IPO8: variants seen among roughly 807,000 people sequenced by gnomAD.
The protein encoded by IPO8 is importin 8, also known as importin-8.
Under a neutral mutation model 141.2 loss-of-function variants are expected in IPO8, and 65 were observed. The observed-to-expected ratio is 0.46, with a 90% CI of 0.38 to 0.57. The LOEUF (loss-of-function observed/expected upper bound fraction) is 0.57. Ranked by LOEUF, IPO8 falls within the 20% of genes least tolerant of loss-of-function variation. The pLI, the probability that IPO8 is intolerant of heterozygous loss-of-function variation, is 0.00. For synonymous variants in IPO8, 411 were observed against 420.3 expected (o/e 0.98, Z 0.27); for missense variants, 980 against 1,246.8 (o/e 0.79, Z 3.22).
At chr12:30,650,073 TAA>T (rs891800417) in intron 19 of IPO8, among the ~76,000 whole-genome samples, 17 of 151,886 alleles carry the variant, frequency 1.1e-4, no homozygotes, top group South Asian at 6.2e-4. Context: ...GCTTTTTATA[TAA>T]GTTATTTTTA....
chr12:30,635,077 A>G (rs192323662), intron 22 of IPO8, among the ~76,000 whole-genome samples: 1 of 152,288 alleles, frequency 6.6e-6, no homozygotes, highest in East Asian at 1.9e-4. Context: ...AAAGACACAT[A>G]CTGCCTGTTC....
In IPO8 at chr12:30,661,375, AACTTTGAAGTCTGC is replaced by A. The variant is rs2052885310; in HGVS notation, c.1756-123_1756-110del. ...ACACATCTGAAGTCTGCATTGCTCAAACTTTGAAGTCTGCACTTTGCTGACTGAATCATCTCTCT... is the reference window on the plus strand; with the variant it reads ...ACACATCTGAAGTCTGCATTGCTCAAACTTTGCTGACTGAATCATCTCTCT... On this transcript the variant is annotated intron_variant, in intron 15 of 24. Transcript: ENST00000256079. The A allele has an allele frequency of 8.4e-6, 8 of 958,022 alleles. No individual in the cohort carries two copies. The East Asian group carries it at 2.4e-4, about 28-fold the overall frequency. 59.3% of individuals were successfully genotyped at this position (958,022 alleles called of 1,614,324 possible). A position where few individuals can be genotyped will look rare whatever the true frequency, so the allele number is the denominator to read the frequency against.
rs2052418627 is a variant in IPO8 at position 30,630,695 on chromosome 12, A to T, written c.*165T>A. 3.4e-6 allele frequency: 2 copies of T among 580,520 alleles called. No individual in the cohort carries two copies. The highest frequency in any genetic ancestry group is 3.2e-5 in the Admixed American group (1 of 31,194). 36.0% of individuals were successfully genotyped at this position (580,520 alleles called of 1,614,324 possible). A position where few individuals can be genotyped will look rare whatever the true frequency, so the allele number is the denominator to read the frequency against. On this transcript the variant is annotated 3_prime_UTR_variant, in exon 25 of 25. Coordinates refer to ENST00000256079, the MANE Select transcript of IPO8 (RefSeq NM_006390.4). ...TAAAATATATATTTCAGGGTGACAA[A>T]GGTCAAAGGGGAAAGAGTAGATAAA...
Position 30,674,671 on chromosome 12 carries a change from C to A in IPO8, c.812G>T (p.Arg271Leu). ...AACAGATAATTACCGTTCAAAGAGC[C>A]GAGCTACAATATGCAGTGCCCACTT... Reference protein sequence around the residue: ...CKKWALHIVARLFERYGSPGN... With the variant: ...CKKWALHIVALLFERYGSPGN... Residue 271 changes from arginine (R) to leucine (L), a missense_variant, in exon 7 of 25, where the codon CGG becomes CTG. Arg to Leu is a moderately radical substitution (Grantham distance 102). Around this residue, in one of 3 missense-constraint regions of IPO8, gnomAD observed 924 missense variants for 1,153.9 expected, o/e 0.80. Coordinates refer to ENST00000256079, the MANE Select transcript of IPO8 (RefSeq NM_006390.4). 1 of 1,608,976 alleles carries A rather than the reference C, an allele frequency of 6.2e-7. No homozygotes were observed. The highest frequency in any genetic ancestry group is 8.5e-7 in the Non-Finnish European group (1 of 1,175,602).
intron 7 of IPO8, 65 bp downstream of exon 7, chr12:30,674,594 A>T: frequency 8.3e-7 from 1 of 1,198,284 alleles, no homozygotes; most frequent in Non-Finnish European, 1.2e-6. Context: ...CTCTAAAGAC[A>T]GATAATCATA....
chr12:30,684,578 C>A lies in IPO8; in HGVS notation c.167-121G>T. On this transcript the variant is annotated intron_variant, in intron 2 of 24. Transcript: ENST00000256079. ...ACATGAAACCCAGCAAAAATGGATA[C>A]TCTTACAGGTATAAACAGCCAAATC... is the stretch of plus-strand genomic sequence containing the variant. The A allele has an allele frequency of 4.5e-6, 4 of 883,812 alleles. No homozygotes were observed. The East Asian group carries it at 1.0e-4, about 22-fold the overall frequency. 54.7% of individuals were successfully genotyped at this position (883,812 alleles called of 1,614,324 possible).
rs1417730858 is a variant in IPO8, at chr12:30,674,703, C to T, written c.780G>A (p.Lys260=). Reference sequence around the variant, plus strand: ...CAATATGCAGTGCCCACTTCTTACACTTCCACCATACCAGTTCTGGTCTAT... The same window carrying T: ...CAATATGCAGTGCCCACTTCTTACATTTCCACCATACCAGTTCTGGTCTAT... ...EDDRPELVWW[K]CKKWALHIVA... is the part of the protein sequence containing the mutation. Residue 260 remains lysine, a synonymous_variant, in exon 7 of 25, where the codon AAG becomes AAA. Coordinates refer to ENST00000256079, the MANE Select transcript of IPO8 (RefSeq NM_006390.4). 3.7e-6 allele frequency: 6 copies of T among 1,613,868 alleles called. No homozygotes were observed. The East Asian group carries it at 1.1e-4, about 30-fold the overall frequency.
intron 3 of IPO8, among the ~76,000 whole-genome samples, chr12:30,684,031 A>G (rs1453317619): frequency 6.6e-6 from 1 of 152,236 alleles, no homozygotes; most frequent in Non-Finnish European, 1.5e-5. Flanking sequence ...CAAGACTTAC[A>G]CAATTGTTTT....
intron 2 of IPO8, among the ~76,000 whole-genome samples, chr12:30,684,802 T>C (rs944096364): frequency 1.3e-5 from 2 of 152,222 alleles, no homozygotes; most frequent in Non-Finnish European, 2.9e-5. Flanking sequence ...AGTTCTACTT[T>C]CCTTCATGAA....
intron 3 of IPO8, among the ~76,000 whole-genome samples, chr12:30,682,052 T>A (rs962830110): frequency 6.6e-6 from 1 of 152,106 alleles, no homozygotes; most frequent in Admixed American, 6.6e-5. Context: ...AACTATCTTA[T>A]CCTAAATACA....
rs960897743 is a variant in IPO8 at position 30,695,189 on chromosome 12, A to G, written c.84+375T>C. 3.8e-5 allele frequency: 15 copies of G among 391,114 alleles called. No individual in the cohort carries two copies. The highest frequency in any genetic ancestry group is 2.7e-4 in the African/African-American group (13 of 48,168). The allele number at this position is 391,114 out of a possible 1,614,324, so 24.2% of individuals were successfully genotyped here. A position where few individuals can be genotyped will look rare whatever the true frequency, so the allele number is the denominator to read the frequency against. On this transcript the variant is annotated intron_variant, in intron 1 of 24. Transcript: ENST00000256079. This position sits in a 1 kb window ranked among gnomAD's most constrained non-coding sequence, Gnocchi z 4.2. Reference sequence around the variant, plus strand: ...TGGAAAAAAGCTGAACTCAGATTTGAACTGTAAGTAAAATTCCCACCTGCT... The same window carrying G: ...TGGAAAAAAGCTGAACTCAGATTTGGACTGTAAGTAAAATTCCCACCTGCT...
At chr12:30,672,825 CT>C (rs1281724875) in intron 8 of IPO8, among the ~76,000 whole-genome samples, 2 of 152,122 alleles carry the variant, frequency 1.3e-5, no homozygotes, top group Non-Finnish European at 2.9e-5. Flanking sequence ...TACAACTTTC[CT>C]GAACTGTTGC....
rs181996618 is a variant in IPO8 at position 30,694,912 on chromosome 12, G to A, written c.84+652C>T. On this transcript the variant is annotated intron_variant, in intron 1 of 24. Coordinates refer to ENST00000256079, the MANE Select transcript of IPO8 (RefSeq NM_006390.4). ...TCAAGGCTAATTAGGAAGAACAGGA[G>A]ACGGAGAAAAGAAAGAAGTCTTACA... The A allele has an allele frequency of 1.7e-3, 756 of 449,086 alleles. 10 individuals are homozygous for A. Among genetic ancestry groups the A allele is most frequent in the South Asian group, 0.01 (649 of 63,584 alleles). 27.8% of individuals were successfully genotyped at this position (449,086 alleles called of 1,614,324 possible).
chr12:30,695,821 T>G lies in IPO8; in HGVS notation c.-174A>C. Reference sequence around the variant, plus strand: ...TGCGCCACTCTGACTCCGCGCCCCCTGTCCTCCCTTTTTCCCCCCCACAAC... The same window carrying G: ...TGCGCCACTCTGACTCCGCGCCCCCGGTCCTCCCTTTTTCCCCCCCACAAC... On this transcript the variant is annotated 5_prime_UTR_variant, in exon 1 of 25. Coordinates refer to ENST00000256079, the MANE Select transcript of IPO8 (RefSeq NM_006390.4). The surrounding 1 kb of genome is among the most constrained non-coding windows in gnomAD (Gnocchi z 4.2). The G allele has an allele frequency of 2.1e-6, 1 of 482,612 alleles. No individual in the cohort carries two copies. The highest frequency in any genetic ancestry group is 3.5e-6 in the Non-Finnish European group (1 of 282,504). The allele number at this position is 482,612 out of a possible 1,614,324, so 29.9% of individuals were successfully genotyped here. A position where few individuals can be genotyped will look rare whatever the true frequency, so the allele number is the denominator to read the frequency against.
intron 20 of IPO8, among the ~76,000 whole-genome samples, chr12:30,648,263 A>G (rs576386277): frequency 6.6e-6 from 1 of 152,350 alleles, no homozygotes; most frequent in South Asian, 2.1e-4. Context: ...AAGTACCAAT[A>G]CACACTACCA....
At chr12:30,640,035 G>A (rs1591822791) in intron 20 of IPO8, among the ~76,000 whole-genome samples, 2 of 152,274 alleles carry the variant, frequency 1.3e-5, no homozygotes, top group South Asian at 2.1e-4. Context: ...TAATCCCTAT[G>A]TGGACACAGC....
At chr12:30,692,166 TA>T (rs1035054808) in intron 1 of IPO8, among the ~76,000 whole-genome samples, 2 of 152,204 alleles carry the variant, frequency 1.3e-5, no homozygotes, top group Non-Finnish European at 2.9e-5. Context: ...ATTCTAATCA[TA>T]AAAAAACTGA....
rs768671648 is a variant in IPO8, at chr12:30,670,953, GAC to G, written c.1044+7_1044+8del. On this transcript the variant is annotated splice_region_variant and intron_variant, in intron 9 of 24. Transcript: ENST00000256079. ...GAATAATTTTGGAGAGCTGCTCTCT[GAC>G]ACTAACCTGTATGTGTGGCTTCATC... 1 of 1,606,238 alleles carries G rather than the reference GAC, an allele frequency of 6.2e-7. No individual in the cohort carries two copies. The highest frequency in any genetic ancestry group is 1.3e-5 in the African/African-American group (1 of 74,652).
rs780660939 is a variant in IPO8 at position 30,669,234 on chromosome 12, C to T, written c.1093G>A (p.Asp365Asn). 4.4e-6 allele frequency: 7 copies of T among 1,595,038 alleles called. No individual in the cohort carries two copies. Among genetic ancestry groups the T allele is most frequent in the Non-Finnish European group, 6.0e-6 (7 of 1,172,750 alleles). ...IFSVMCYKDE[D>N]EELWQEDPYE... The stretch of plus-strand genomic sequence containing the variant: ...GGATCTTCTTGCCACAGCTCTTCAT[C>T]CTCATCTTTATAACACATCACAGAA... The change falls in exon 10 of 25, where the codon GAT becomes AAT. Residue 365 changes from aspartate (D) to asparagine (N), a missense_variant. This residue lies in a region of IPO8 where 924 missense variants were observed against 1,153.9 expected (regional missense o/e 0.80). Transcript: ENST00000256079.
Sources: gnomAD v4.1 joint callset for allele counts (sites outside exome capture counted in the v4.1 genomes callset) on GRCh38, gnomAD v4.1.1 for gene constraint, gnomAD v4.1.1 regional missense constraint, Gnocchi (gnomAD v3.1) non-coding constraint, MANE v1.5 for transcripts, NCBI Gene and HGNC (gene_info 2026-07-23, HGNC 2026-07-21) for gene names.